IGSF11: variants seen among roughly 807,000 people sequenced by gnomAD.
The protein encoded by IGSF11 is immunoglobulin superfamily member 11.
In IGSF11, 22 loss-of-function variants were observed where a neutral mutation model predicts 41.0. That is an observed-to-expected ratio of 0.54 (90% CI 0.38 to 0.77). The LOEUF is 0.77. IGSF11 is among the 30% of genes least tolerant of loss of function. IGSF11 has a pLI of 0.00. For missense variants in IGSF11, 444 were observed against 530.8 expected (o/e 0.84, Z 1.61); for synonymous variants, 219 against 201.3 (o/e 1.09, Z -0.74).
intron 1 of IGSF11, among the ~76,000 whole-genome samples, chr3:119,114,295 C>A (rs183507204): frequency 1.2e-4 from 19 of 152,310 alleles, no homozygotes; most frequent in Admixed American, 7.8e-4. Context: ...GCAAATTTTC[C>A]AAACTTTTAT....
intron 1 of IGSF11, among the ~76,000 whole-genome samples, chr3:119,048,589 T>A (rs1286020143): frequency 6.6e-6 from 1 of 152,094 alleles, no homozygotes; most frequent in Non-Finnish European, 1.5e-5. Context: ...CTGGTACCAT[T>A]CCTTCTGAAA....
intron 1 of IGSF11, among the ~76,000 whole-genome samples, chr3:119,050,563 T>A (rs1038622781): frequency 7.8e-4 from 119 of 151,692 alleles, no homozygotes; most frequent in Middle Eastern, 3.4e-3. Flanking sequence ...GTAAAGTAGT[T>A]CAACCATTGT....
intron 1 of IGSF11, among the ~76,000 whole-genome samples, chr3:119,060,100 C>T (rs1248529639): frequency 6.6e-6 from 1 of 152,154 alleles, no homozygotes; most frequent in African/African-American, 2.4e-5. Context: ...TGCTTATTTT[C>T]TAATCCTTTA....
At chr3:119,142,515 G>A (rs2077663686) in intron 1 of IGSF11, among the ~76,000 whole-genome samples, 1 of 152,046 alleles carries the variant, frequency 6.6e-6, no homozygotes, top group South Asian at 2.1e-4. Context: ...TGTTCAAAGA[G>A]CTAGGGGAAG....
At chr3:119,048,031 C>T (rs572173095) in intron 1 of IGSF11, among the ~76,000 whole-genome samples, 1 of 151,374 alleles carries the variant, frequency 6.6e-6, no homozygotes, top group African/African-American at 2.4e-5. Context: ...ACTAAATGCC[C>T]ACAAGAGAAA....
intron 1 of IGSF11, among the ~76,000 whole-genome samples, chr3:119,068,816 A>G (rs946431315): frequency 2.0e-5 from 3 of 151,918 alleles, no homozygotes; most frequent in African/African-American, 7.3e-5. Context: ...ACAATGGTTT[A>G]TTTATTCTAA....
intron 1 of IGSF11, chr3:118,947,712 G>C (rs1390269329): frequency 6.6e-6 from 1 of 152,124 alleles, no homozygotes; most frequent in Non-Finnish European, 1.5e-5. Flanking sequence ...AACATTACCA[G>C]ATTCCTAAAC....
upstream of IGSF11, among the ~76,000 whole-genome samples, chr3:119,036,113 T>C (rs2107743674): frequency 6.6e-6 from 1 of 152,346 alleles, no homozygotes; most frequent in South Asian, 2.1e-4. Flanking sequence ...AAATGAAACA[T>C]GTTAAGAAAT....
At chr3:119,052,234 C>T (rs942372511) in intron 1 of IGSF11, among the ~76,000 whole-genome samples, 3 of 152,066 alleles carry the variant, frequency 2.0e-5, no homozygotes, top group Admixed American at 2.0e-4. Context: ...AATCTCACCA[C>T]TTCGGGAAGC....
intron 4 of IGSF11, among the ~76,000 whole-genome samples, chr3:118,914,315 G>C (rs551019874): frequency 2.0e-5 from 3 of 151,792 alleles, no homozygotes; most frequent in South Asian, 2.1e-4. Flanking sequence ...CGCAGAAGAC[G>C]GGTGATTTCT....
At chr3:119,033,992 A>G (rs992832955) in intron 1 of IGSF11, among the ~76,000 whole-genome samples, 1 of 152,256 alleles carries the variant, frequency 6.6e-6, no homozygotes. Context: ...AGATGAAGCT[A>G]GAGTGTAAAT....
intron 1 of IGSF11, among the ~76,000 whole-genome samples, chr3:118,945,464 G>A (rs373160856): frequency 1.1e-4 from 16 of 152,158 alleles, no homozygotes; most frequent in African/African-American, 3.9e-4. Flanking sequence ...TGATGAAGCC[G>A]TGGTGAAATT....
chr3:118,963,921 G>A (rs575822465), intron 1 of IGSF11, among the ~76,000 whole-genome samples: 9 of 152,138 alleles, frequency 5.9e-5, no homozygotes, highest in South Asian at 2.1e-4. Context: ...GAATCACAAC[G>A]AGCTCCATTA....
At chr3:118,956,302 T>A (rs931340014) in intron 1 of IGSF11, among the ~76,000 whole-genome samples, 1 of 152,328 alleles carries the variant, frequency 6.6e-6, no homozygotes, top group East Asian at 1.9e-4. Flanking sequence ...CACTGGAGTA[T>A]CACTTCTAAT....
At chr3:118,971,562 C>T (rs11925505) in intron 1 of IGSF11, among the ~76,000 whole-genome samples, 3,998 of 152,162 alleles carry the variant, frequency 0.026, 146 homozygotes, top group African/African-American at 0.091. Context: ...CCCAGAACTT[C>T]GGGAGGCCGA....
intron 1 of IGSF11, among the ~76,000 whole-genome samples, chr3:118,981,028 G>A (rs1934661206): frequency 6.6e-6 from 1 of 152,162 alleles, no homozygotes. Context: ...TAACATCTGG[G>A]ACAGTGGTTT....
At chr3:118,955,133 A>G (rs1057276029) in intron 1 of IGSF11, among the ~76,000 whole-genome samples, 2 of 152,142 alleles carry the variant, frequency 1.3e-5, no homozygotes, top group Admixed American at 1.3e-4. Flanking sequence ...CACAATTTGC[A>G]ATTGCAAAAG....
intron 1 of IGSF11, among the ~76,000 whole-genome samples, chr3:119,023,741 T>C (rs1461271172): frequency 1.3e-5 from 2 of 152,180 alleles, no homozygotes. Context: ...TGGACTTCAC[T>C]ACTCTCCACT....
At chr3:119,130,437 A>T (rs1405877884) in intron 1 of IGSF11, among the ~76,000 whole-genome samples, 2 of 152,228 alleles carry the variant, frequency 1.3e-5, no homozygotes, top group African/African-American at 4.8e-5. Context: ...TCTCATGCCC[A>T]CAGAGCCTTG....
Sources: allele counts gnomAD v4.1 joint callset (sites outside exome capture counted in the v4.1 genomes callset), GRCh38; gene constraint gnomAD v4.1.1; transcripts MANE v1.5; gene names NCBI Gene and HGNC (gene_info 2026-07-23, HGNC 2026-07-21).